MTMR2: variants seen among roughly 807,000 people sequenced by gnomAD.
MTMR2 encodes myotubularin related protein 2.
Under a neutral mutation model 86.9 loss-of-function variants are expected in MTMR2, and 55 were observed. That is an observed-to-expected ratio of 0.63 (90% confidence interval 0.51 to 0.79). MTMR2 has a LOEUF of 0.79. MTMR2 is among the 30% of genes least tolerant of loss of function. MTMR2 has a pLI of 0.00. For missense variants in MTMR2, 659 were observed against 772.3 expected, an observed-to-expected ratio of 0.85 and a Z score of 1.74; for synonymous variants, 241 against 266.8, an observed-to-expected ratio of 0.90 and a Z score of 0.94.
rs774885506 is a variant in MTMR2 at position 95,865,591 on chromosome 11, C to T, written c.262+10G>A. The T allele has an allele frequency of 4.4e-6, 7 of 1,589,450 alleles. No individual in the cohort carries two copies. In the East Asian group the frequency reaches 1.1e-4, roughly 25 times the overall value. On this transcript the variant is annotated intron_variant, in intron 3 of 14. Coordinates refer to ENST00000346299, the MANE Select transcript of MTMR2 (RefSeq NM_016156.6). ...GAGAAGGACATTAAGCAAAAAATAC[C>T]ATTACGGACCCATGTCTTTAATATT...
At chr11:95,867,188 C>G (rs1864645131) in intron 2 of MTMR2, among the ~76,000 whole-genome samples, 1 of 152,142 alleles carries the variant, frequency 6.6e-6, no homozygotes, top group Non-Finnish European at 1.5e-5. Context: ...ATGCTTTATT[C>G]TTTCCCCGGT....
intron 1 of MTMR2, among the ~76,000 whole-genome samples, chr11:95,889,431 CCA>C (rs1267910893): frequency 1.3e-5 from 2 of 150,658 alleles, no homozygotes; most frequent in African/African-American, 4.9e-5. Context: ...CTGCGCCTGG[CCA>C]AACTTTCGAT....
chr11:95,922,095 A>T (rs924799844), intron 1 of MTMR2, among the ~76,000 whole-genome samples: 6 of 152,344 alleles, frequency 3.9e-5, no homozygotes, highest in Admixed American at 3.3e-4. Context: ...TTAAAATTTT[A>T]AAAATGACAA....
rs1165625726 is a variant in MTMR2, at chr11:95,835,191, CTCTCATAGATGGGTT to C, written c.*84_*98del. On this transcript the variant is annotated 3_prime_UTR_variant, in exon 15 of 15. Transcript: ENST00000346299. Reference sequence around the variant, plus strand: ...AAAATAAATAAAGTGACTGAACTTTCTCTCATAGATGGGTTCTAAATTCCGAAGACTTTCTACTCA... The same window carrying C: ...AAAATAAATAAAGTGACTGAACTTTCCTAAATTCCGAAGACTTTCTACTCA... The C allele has an allele frequency of 4.0e-6, 5 of 1,243,770 alleles. No individual in the cohort carries two copies. Among genetic ancestry groups the C allele is most frequent in the Non-Finnish European group, 5.8e-6 (5 of 860,710 alleles). The allele number at this position is 1,243,770 out of a possible 1,614,324, so 77.0% of individuals were successfully genotyped here. A position where few individuals can be genotyped will look rare whatever the true frequency, so the allele number is the denominator to read the frequency against.
rs555013649 is a variant in MTMR2, at chr11:95,876,668, AT to A, written c.187-10993del. 2.8e-3 allele frequency among the ~76,000 whole-genome samples: 419 copies of A among 152,132 alleles called. 3 individuals are homozygous for A. The South Asian group carries it at 0.035, about 13-fold the overall frequency. On this transcript the variant is annotated intron_variant, in intron 2 of 14. Coordinates refer to ENST00000346299, the MANE Select transcript of MTMR2 (RefSeq NM_016156.6). The stretch of plus-strand genomic sequence containing the variant: ...AAAACACACAAGATTCAAATTTATA[AT>A]TTTTTTTATTCCTACTACATAATCA...
chr11:95,857,488 C>T (rs1864253513), intron 7 of MTMR2, 64 bp downstream of exon 7: 1 of 1,179,744 alleles, frequency 8.5e-7, no homozygotes, highest in African/African-American at 1.5e-5. Context: ...CATGGTTCCA[C>T]CCAGTTTTCT....
At chr11:95,888,996 C>G (rs1212798244) in intron 1 of MTMR2, among the ~76,000 whole-genome samples, 1 of 152,182 alleles carries the variant, frequency 6.6e-6, no homozygotes, top group Non-Finnish European at 1.5e-5. Flanking sequence ...GATAAAAGAG[C>G]AGATGAGGAT....
chr11:95,845,508 T>C (rs1310289680), intron 10 of MTMR2, among the ~76,000 whole-genome samples: 4 of 152,114 alleles, frequency 2.6e-5, no homozygotes, highest in Admixed American at 2.6e-4. Context: ...ATAAAAATAA[T>C]TGATATAGCA....
At chr11:95,887,546 AC>A (rs1865558030) in intron 2 of MTMR2, 1 of 159,858 alleles carries the variant, frequency 6.3e-6, no homozygotes, top group Non-Finnish European at 1.4e-5. Context: ...ACAGAGTGCT[AC>A]AGGATATCAC....
chr11:95,905,518 A>T (rs570611096), intron 1 of MTMR2, among the ~76,000 whole-genome samples: 21 of 152,314 alleles, frequency 1.4e-4, no homozygotes, highest in Non-Finnish European at 3.1e-4. Context: ...ACAAATATGT[A>T]CGGGGCTAAG....
At chr11:95,850,806 A>G in intron 7 of MTMR2, 57 bp from the exon 8 acceptor site, 1 of 1,516,870 alleles carries the variant, frequency 6.6e-7, no homozygotes, top group Non-Finnish European at 9.1e-7. Context: ...ATTAAACGAC[A>G]CCAGGACAGA....
intron 13 of MTMR2, 50 bp downstream of exon 13, chr11:95,838,044 A>G: frequency 8.6e-7 from 1 of 1,161,436 alleles, no homozygotes; most frequent in East Asian, 2.4e-5. Flanking sequence ...TCTTTTAGGG[A>G]AAAGTATACA....
At position 95,835,453 on chromosome 11, in the gene MTMR2, T is replaced by TGCAAGA; in HGVS notation, c.1771-8_1771-3dup. The TGCAAGA allele has an allele frequency of 6.2e-7, 1 of 1,612,056 alleles. No individual in the cohort carries two copies. The highest frequency in any genetic ancestry group is 8.5e-7 in the Non-Finnish European group (1 of 1,179,000). ...TTTGTATCTGTTGTGAATAGGTTCCTGCAAGAGCAAAACATAAAATATTCA... is the reference window on the plus strand; with the variant it reads ...TTTGTATCTGTTGTGAATAGGTTCCTGCAAGAGCAAGAGCAAAACATAAAATATTCA... On this transcript the variant is annotated splice_region_variant and splice_polypyrimidine_tract_variant and intron_variant, in intron 14 of 14. Transcript: ENST00000346299.
intron 2 of MTMR2, among the ~76,000 whole-genome samples, chr11:95,873,870 A>G (rs1177177832): frequency 6.6e-6 from 1 of 152,274 alleles, no homozygotes; most frequent in East Asian, 1.9e-4. Flanking sequence ...GTCATTCAGG[A>G]GCAGGTTGTT....
chr11:95,852,868 G>A (rs905280628), intron 7 of MTMR2, among the ~76,000 whole-genome samples: 8 of 151,772 alleles, frequency 5.3e-5, no homozygotes, highest in East Asian at 1.9e-4. Context: ...ATGAAACCCC[G>A]TTTCTATTAT....
rs1388129484 is a variant in MTMR2 at position 95,921,592 on chromosome 11, G to GT, written c.80+2282dup. Among the ~76,000 whole-genome samples the GT allele has an allele frequency of 4.6e-5, 7 of 152,262 alleles. No homozygotes were observed. In the South Asian group the frequency reaches 1.0e-3, roughly 23 times the overall value. ...AAGCTTTCTAACTAGTGTCTATAAT[G>GT]TATCTATTACATACTGTTGATTAAG... On this transcript the variant is annotated intron_variant, in intron 1 of 14. Transcript: ENST00000346299.
At chr11:95,910,709 C>G (rs936474613) in intron 1 of MTMR2, among the ~76,000 whole-genome samples, 1 of 151,980 alleles carries the variant, frequency 6.6e-6, no homozygotes, top group Non-Finnish European at 1.5e-5. Flanking sequence ...AAGTAATGTC[C>G]TGAGCACATA....
At chr11:95,920,263 T>C (rs1012373488) in intron 1 of MTMR2, among the ~76,000 whole-genome samples, 3 of 152,222 alleles carry the variant, frequency 2.0e-5, no homozygotes, top group African/African-American at 7.2e-5. Flanking sequence ...AACAGTTTAC[T>C]GAAGTATGGC....
chr11:95,853,713 T>C (rs1864107191), intron 7 of MTMR2, among the ~76,000 whole-genome samples: 1 of 152,232 alleles, frequency 6.6e-6, no homozygotes, highest in African/African-American at 2.4e-5. Context: ...ACACAAACTC[T>C]TTGGGAACCT....
Sources: allele counts gnomAD v4.1 joint callset (sites outside exome capture counted in the v4.1 genomes callset), GRCh38; gene constraint gnomAD v4.1.1; transcripts MANE v1.5; gene names NCBI Gene and HGNC (gene_info 2026-07-23, HGNC 2026-07-21).